The following VIRMA variants were observed in gnomAD, a reference collection of about 807,000 sequenced individuals.
VIRMA encodes the protein protein virilizer homolog.
Under a neutral mutation model 182.4 loss-of-function variants are expected in VIRMA, and 65 were observed. The observed-to-expected ratio is 0.36, with a 90% CI of 0.29 to 0.44. VIRMA has a LOEUF of 0.44. Ranked by LOEUF, VIRMA falls within the 20% of genes least tolerant of loss-of-function variation. The pLI, the probability that VIRMA is intolerant of heterozygous loss-of-function variation, is 1.00. For synonymous variants in VIRMA, 709 were observed against 743.1 expected, an observed-to-expected ratio of 0.95 and a Z score of 0.75; for missense variants, 1,752 against 2,158.1, an observed-to-expected ratio of 0.81 and a Z score of 3.73.
intron 2 of VIRMA, among the ~76,000 whole-genome samples, chr8:94,541,032 AAC>A (rs558950800): frequency 1.3e-4 from 19 of 151,944 alleles, no homozygotes; most frequent in African/African-American, 3.6e-4. Context: ...TATATGTATG[AAC>A]ACACACACAC....
intron 1 of VIRMA, among the ~76,000 whole-genome samples, chr8:94,544,475 C>G (rs112797011): frequency 0.15 from 22,710 of 151,204 alleles, 2,095 homozygotes; most frequent in South Asian, 0.3. Flanking sequence ...GATTGAGACC[C>G]CGGTGAAACC....
Position 94,553,373 on chromosome 8 carries a change from G to A in VIRMA, c.63+12C>T. 1 of 1,613,428 alleles carries A rather than the reference G, an allele frequency of 6.2e-7. No homozygotes were observed. The highest frequency in any genetic ancestry group is 1.1e-5 in the South Asian group (1 of 91,076). ...CAAGAAGCAGCGTCAGAATCAAGTC[G>A]CCAAGCCTTACCTCAGCGCTCGGGT... On this transcript the variant is annotated intron_variant, in intron 1 of 23. Coordinates refer to ENST00000297591, the MANE Select transcript of VIRMA (RefSeq NM_015496.5).
At chr8:94,498,610 G>A (rs1244191581) in intron 17 of VIRMA, 1 of 152,218 alleles carries the variant, frequency 6.6e-6, no homozygotes, top group Admixed American at 6.5e-5. Flanking sequence ...AAATAGATGG[G>A]ACTACTGGTG....
rs1156736495 is a variant in VIRMA, at chr8:94,492,832, A to G, written c.4642-14T>C. 2 of 1,594,426 alleles carry G rather than the reference A, an allele frequency of 1.3e-6. No individual in the cohort carries two copies. The highest frequency in any genetic ancestry group is 1.7e-6 in the Non-Finnish European group (2 of 1,165,216). On this transcript the variant is annotated splice_polypyrimidine_tract_variant and intron_variant, in intron 20 of 23. Transcript: ENST00000297591. ...GTCAACCTTTACCTGCAGTCATAAT[A>G]ATGAAACAAAACACATATTAAATGT...
intron 15 of VIRMA, among the ~76,000 whole-genome samples, chr8:94,508,332 T>A (rs1401841588): frequency 6.6e-6 from 1 of 152,048 alleles, no homozygotes; most frequent in African/African-American, 2.4e-5. Flanking sequence ...GATCCACCCA[T>A]CTCAGCTTCC....
rs754991422 is a variant in VIRMA at position 94,543,910 on chromosome 8, T to C, written c.96A>G (p.Pro32=). The C allele has an allele frequency of 5.0e-6, 8 of 1,612,116 alleles. No individual in the cohort carries two copies. The highest frequency in any genetic ancestry group is 3.3e-5 in the Admixed American group (2 of 59,890). The change falls in exon 2 of 24, where the codon CCA becomes CCG. Residue 32 remains proline (P), a synonymous_variant. Transcript: ENST00000297591. ...GGACTTCATTGATATAAACCACACA[T>C]GGAAAACGAACCACATCTATATGAG... ...QSSHIDVVRF[P]CVVYINEVRV... is the part of the protein sequence containing the mutation.
chr8:94,505,672 A>G (rs1255514342), intron 16 of VIRMA, among the ~76,000 whole-genome samples: 1 of 151,984 alleles, frequency 6.6e-6, no homozygotes, highest in Non-Finnish European at 1.5e-5. Flanking sequence ...TTTTATAGAG[A>G]TAAGTCTCCC....
intron 16 of VIRMA, among the ~76,000 whole-genome samples, chr8:94,501,195 G>A (rs1813972030): frequency 1.4e-5 from 2 of 145,424 alleles, no homozygotes; most frequent in South Asian, 4.5e-4. Context: ...GGCGCAGGTT[G>A]CAGTGAGCCG....
At chr8:94,516,184 C>T (rs1814556661) in intron 10 of VIRMA, among the ~76,000 whole-genome samples, 1 of 152,156 alleles carries the variant, frequency 6.6e-6, no homozygotes, top group South Asian at 2.1e-4. Context: ...ATCTCTGCCA[C>T]TGCCTCTCAC....
At chr8:94,497,969 A>G (rs570062837) in intron 17 of VIRMA, 1 of 152,398 alleles carries the variant, frequency 6.6e-6, no homozygotes, top group Non-Finnish European at 1.5e-5. Flanking sequence ...CCATGATCAC[A>G]CCACTGCACT....
At chr8:94,489,293 T>TA (rs1394870383) in intron 23 of VIRMA, among the ~76,000 whole-genome samples, 1 of 152,182 alleles carries the variant, frequency 6.6e-6, no homozygotes, top group Non-Finnish European at 1.5e-5. Context: ...AACATAAAAA[T>TA]AAGAGCACAT....
At position 94,529,153 on chromosome 8, in the gene VIRMA, T is replaced by A; in HGVS notation, c.797A>T (p.Asp266Val). Residue 266 changes from aspartate to valine, a missense_variant, in exon 7 of 24, where the codon GAT becomes GTT. Physicochemically the swap from Asp to Val is radical, Grantham distance 152 (BLOSUM62 -3). Transcript: ENST00000297591. ...AATACTGTCTACTGTTCGTCGATCATCCTCATCCTCATCCTCTTCTTCCTC... is the reference window on the plus strand; with the variant it reads ...AATACTGTCTACTGTTCGTCGATCAACCTCATCCTCATCCTCTTCTTCCTC... The part of the protein sequence containing the change: ...DVEEEEDEDE[D>V]DRRTVDSIPE... 1 of 1,381,680 alleles carries A rather than the reference T, an allele frequency of 7.2e-7. No homozygotes were observed. The highest frequency in any genetic ancestry group is 1.4e-5 in the African/African-American group (1 of 70,322). 85.6% of individuals were successfully genotyped at this position (1,381,680 alleles called of 1,614,324 possible). A position where few individuals can be genotyped will look rare whatever the true frequency, so the allele number is the denominator to read the frequency against.
At chr8:94,550,530 G>C (rs1485350230) in intron 1 of VIRMA, among the ~76,000 whole-genome samples, 1 of 152,106 alleles carries the variant, frequency 6.6e-6, no homozygotes, top group Non-Finnish European at 1.5e-5. Context: ...CTGACCTCGT[G>C]ATCCGCTTGC....
intron 5 of VIRMA, 137 bp from the exon 6 acceptor site, chr8:94,531,222 G>C (rs1275394593): frequency 1.0e-5 from 10 of 976,802 alleles, no homozygotes; most frequent in Non-Finnish European, 2.8e-6. Context: ...GTATTTGAGG[G>C]ATGCAAAATC....
intron 17 of VIRMA, chr8:94,498,257 T>A (rs1305395896): frequency 6.6e-6 from 1 of 152,184 alleles, no homozygotes; most frequent in African/African-American, 2.4e-5. Context: ...GAAATCTTAA[T>A]TAAATTTTAA....
chr8:94,495,863 T>C lies in VIRMA; in HGVS notation c.4412A>G (p.Asp1471Gly), dbSNP rs753487426. Residue 1471 changes from aspartate to glycine, a missense_variant, in exon 19 of 24, where the codon GAT (aspartate) becomes GGT (glycine). Around this residue, in one of 11 missense-constraint regions of VIRMA, gnomAD observed 777 missense variants for 920.6 expected, o/e 0.84. Transcript: ENST00000297591. ...TCCAACTACACTGTCCAACAAAGAA[T>C]CCAGATTGTCATCATCTTTTGAATG... ...LEHSKDDDNL[D>G]SLLDSVVGLK... 4 of 1,613,270 alleles carry C rather than the reference T, an allele frequency of 2.5e-6. No individual in the cohort carries two copies. The highest frequency in any genetic ancestry group is 3.4e-6 in the Non-Finnish European group (4 of 1,179,786).
At chr8:94,501,211 G>A (rs1235466097) in intron 16 of VIRMA, among the ~76,000 whole-genome samples, 3 of 136,028 alleles carry the variant, frequency 2.2e-5, no homozygotes, top group African/African-American at 5.7e-5. Context: ...AGCCGAGATC[G>A]CACCATTGCA....
Position 94,495,817 on chromosome 8 carries a change from T to C in VIRMA, c.4458A>G (p.Ser1486=), listed in dbSNP as rs1353891492. The C allele has an allele frequency of 5.0e-6, 8 of 1,613,810 alleles. No individual in the cohort carries two copies. Residue 1486 remains serine, a synonymous_variant, in exon 19 of 24, where the codon TCA becomes TCG. Transcript: ENST00000297591. ...SVVGLKQMLE[S]SGDPLPLSDQ... The stretch of plus-strand genomic sequence containing the variant: ...CACTGAGAGGTAAAGGGTCACCTGA[T>C]GACTCCAGCATCTGCTTAAGTCCAA...
chr8:94,500,364 A>T (rs1813929543), intron 16 of VIRMA, among the ~76,000 whole-genome samples: 3 of 152,210 alleles, frequency 2.0e-5, no homozygotes, highest in Admixed American at 2.0e-4. Context: ...GTGCCACTGC[A>T]CTAGGCCTGG....
Sources: allele counts gnomAD v4.1 joint callset (sites outside exome capture counted in the v4.1 genomes callset), GRCh38; gene constraint gnomAD v4.1.1; regional missense constraint gnomAD v4.1.1; transcripts MANE v1.5; gene names NCBI Gene and HGNC (gene_info 2026-07-23, HGNC 2026-07-21).